The following HOOK3 variants were observed in gnomAD, a reference collection of about 807,000 sequenced individuals.
HOOK3 encodes the protein hook microtubule tethering protein 3, also known as protein Hook homolog 3.
Under a neutral mutation model 116.3 loss-of-function variants are expected in HOOK3, and 24 were observed. That is an observed-to-expected ratio of 0.21 (90% CI 0.15 to 0.29). The LOEUF is 0.29. HOOK3 is among the 10% of genes least tolerant of loss of function. HOOK3 has a pLI of 1.00. For synonymous variants in HOOK3, 275 were observed against 283.0 expected (o/e 0.97, Z 0.28); for missense variants, 632 against 830.2 (o/e 0.76, Z 2.93).
intron 11 of HOOK3, among the ~76,000 whole-genome samples, chr8:42,969,863 C>A (rs1260105584): frequency 6.6e-6 from 1 of 152,034 alleles, no homozygotes; most frequent in Non-Finnish European, 1.5e-5. Context: ...TCTAGATGTT[C>A]TTTATCACTT....
chr8:42,901,181 T>C (rs1357083490), intron 1 of HOOK3, among the ~76,000 whole-genome samples: 2 of 152,216 alleles, frequency 1.3e-5, no homozygotes, highest in Non-Finnish European at 2.9e-5. Context: ...GGTGATCTCA[T>C]GCTTTACTCT....
chr8:42,993,103 G>A (rs1421079974), intron 15 of HOOK3, among the ~76,000 whole-genome samples: 1 of 152,122 alleles, frequency 6.6e-6, no homozygotes, highest in Admixed American at 6.5e-5. Context: ...TTGATATAAT[G>A]TGTCACATTA....
At chr8:42,989,744 C>T (rs1809120440) in intron 15 of HOOK3, among the ~76,000 whole-genome samples, 2 of 152,148 alleles carry the variant, frequency 1.3e-5, no homozygotes, top group South Asian at 4.1e-4. Flanking sequence ...CCCCACTACC[C>T]TTCCCAGCCT....
At chr8:42,907,816 C>CAAAAAAAAAAAAA (rs71550426) in intron 2 of HOOK3, among the ~76,000 whole-genome samples, 3 of 46,198 alleles carry the variant, frequency 6.5e-5, no homozygotes, top group East Asian at 6.8e-4. Flanking sequence ...AGCAACGAGG[C>CAAAAAAAAAAAAA]AAAAAAAAAA....
chr8:42,939,512 C>T (rs1463890063), intron 4 of HOOK3, among the ~76,000 whole-genome samples: 16 of 144,398 alleles, frequency 1.1e-4, no homozygotes, highest in African/African-American at 3.1e-4. Context: ...GGCGGCTGGC[C>T]GGGCGGGGGG....
chr8:42,940,039 T>G (rs1276759924), intron 4 of HOOK3, among the ~76,000 whole-genome samples: 2 of 116,282 alleles, frequency 1.7e-5, no homozygotes, highest in Non-Finnish European at 3.7e-5. Flanking sequence ...TCCCAGACGG[T>G]GGGCGGCCAG....
chr8:42,904,776 G>T (rs1807270521), intron 1 of HOOK3, among the ~76,000 whole-genome samples: 1 of 152,034 alleles, frequency 6.6e-6, no homozygotes, highest in Non-Finnish European at 1.5e-5. Flanking sequence ...CCCCTGTTCT[G>T]TTTCTTCCTC....
chr8:42,909,785 T>A (rs971139490), intron 2 of HOOK3, among the ~76,000 whole-genome samples: 2 of 152,214 alleles, frequency 1.3e-5, no homozygotes, highest in African/African-American at 4.8e-5. Context: ...GGAAATTCTG[T>A]CATTTTCAAC....
intron 8 of HOOK3, among the ~76,000 whole-genome samples, chr8:42,960,764 A>T (rs1051712618): frequency 6.6e-6 from 1 of 152,178 alleles, no homozygotes; most frequent in African/African-American, 2.4e-5. Flanking sequence ...AGTAGGTCTA[A>T]AGTAGGTCTC....
At chr8:42,904,438 T>TA (rs1203029939) in intron 1 of HOOK3, among the ~76,000 whole-genome samples, 1 of 151,880 alleles carries the variant, frequency 6.6e-6, no homozygotes, top group Admixed American at 6.6e-5. Context: ...GCCTCCAGTG[T>TA]AGCTTGGACT....
intron 18 of HOOK3, among the ~76,000 whole-genome samples, chr8:43,008,656 TATTTTTA>T (rs1175037338): frequency 1.2e-4 from 18 of 149,164 alleles, no homozygotes; most frequent in South Asian, 4.2e-4. Flanking sequence ...TTTTTATTTT[TATTTTTA>T]TTTTTTTTTT....
chr8:42,953,989 G>A (rs1808390298), intron 6 of HOOK3, among the ~76,000 whole-genome samples: 1 of 152,106 alleles, frequency 6.6e-6, no homozygotes, highest in African/African-American at 2.4e-5. Flanking sequence ...TAGTACTGAA[G>A]CATTAGAAAT....
At position 42,957,140 on chromosome 8, in the gene HOOK3, T is replaced by A; in HGVS notation, c.515T>A (p.Val172Asp). 6.3e-7 allele frequency: 1 copy of A among 1,589,462 alleles called. No homozygotes were observed. The highest frequency in any genetic ancestry group is 8.6e-7 in the Non-Finnish European group (1 of 1,163,108). The change falls in exon 7 of 22, where the codon GTT becomes GAT. Residue 172 changes from valine (V) to aspartate (D), a missense_variant. By Grantham distance (152) the Val-to-Asp change is radical. Around this residue, in one of 3 missense-constraint regions of HOOK3, gnomAD observed 483 missense variants for 648.1 expected, o/e 0.75. Coordinates refer to ENST00000307602, the MANE Select transcript of HOOK3 (RefSeq NM_032410.4). ...SPVSAGNDAY[V>D]DLDRQLKKTT... is the part of the protein sequence containing the mutation. ...GTCTCTGCTGGAAATGATGCCTATG[T>A]TGACCTTGATCGTCAGGTATATAAT... is the stretch of plus-strand genomic sequence containing the variant.
Position 43,024,135 on chromosome 8 carries a change from A to T in HOOK3, c.*5637A>T. 1 of 205,846 alleles carries T rather than the reference A, an allele frequency of 4.9e-6. No individual in the cohort carries two copies. Among genetic ancestry groups the T allele is most frequent in the Non-Finnish European group, 9.9e-6 (1 of 100,744 alleles). The allele number at this position is 205,846 out of a possible 1,614,324, so 12.8% of individuals were successfully genotyped here. A position where few individuals can be genotyped will look rare whatever the true frequency, so the allele number is the denominator to read the frequency against. The stretch of plus-strand genomic sequence containing the variant: ...AGAACATCTTTGTTTCTAAAGTGAG[A>T]GGAAAGTGCTTGGTATCTTGCTTTT... On this transcript the variant is annotated 3_prime_UTR_variant, in exon 22 of 22. Coordinates refer to ENST00000307602, the MANE Select transcript of HOOK3 (RefSeq NM_032410.4).
At chr8:42,945,413 G>A (rs562745138) in intron 5 of HOOK3, among the ~76,000 whole-genome samples, 70 of 152,200 alleles carry the variant, frequency 4.6e-4, no homozygotes, top group African/African-American at 1.7e-3. Flanking sequence ...GGGTTCAAGC[G>A]ATTCTCCTGC....
At chr8:42,971,617 G>A (rs963393345) in intron 11 of HOOK3, among the ~76,000 whole-genome samples, 2 of 151,838 alleles carry the variant, frequency 1.3e-5, no homozygotes, top group East Asian at 3.9e-4. Context: ...TTCTTTGTGT[G>A]CTTTTTCAAA....
At chr8:42,993,303 G>T (rs140444979) in intron 15 of HOOK3, among the ~76,000 whole-genome samples, 1 of 151,968 alleles carries the variant, frequency 6.6e-6, no homozygotes, top group Non-Finnish European at 1.5e-5. Flanking sequence ...TTACTCTGTC[G>T]CCCAAGCTGG....
intron 15 of HOOK3, among the ~76,000 whole-genome samples, chr8:42,993,426 C>T (rs1261951072): frequency 1.3e-5 from 2 of 152,090 alleles, no homozygotes; most frequent in East Asian, 1.9e-4. Context: ...GGATTACAGG[C>T]GTGAGCCACT....
At position 43,030,158 on chromosome 8, in the gene HOOK3, T is replaced by A; in HGVS notation, c.*11660T>A. 4.9e-6 allele frequency: 1 copy of A among 203,716 alleles called. No individual in the cohort carries two copies. The highest frequency in any genetic ancestry group is 1.0e-5 in the Non-Finnish European group (1 of 99,382). The allele number at this position is 203,716 out of a possible 1,614,324, so 12.6% of individuals were successfully genotyped here. A position where few individuals can be genotyped will look rare whatever the true frequency, so the allele number is the denominator to read the frequency against. On this transcript the variant is annotated 3_prime_UTR_variant, in exon 22 of 22. Coordinates refer to ENST00000307602, the MANE Select transcript of HOOK3 (RefSeq NM_032410.4). The stretch of plus-strand genomic sequence containing the variant: ...TACTGAGTTTTCCAACCATTTACTA[T>A]GTGTTGAGATTGGTGGGTTTTCTGG...
Sources: gnomAD v4.1 joint callset for allele counts (sites outside exome capture counted in the v4.1 genomes callset) on GRCh38, gnomAD v4.1.1 for gene constraint, gnomAD v4.1.1 regional missense constraint, MANE v1.5 for transcripts, NCBI Gene and HGNC (gene_info 2026-07-23, HGNC 2026-07-21) for gene names.